Variants in AGO4 observed in about 807,000 individuals in gnomAD.
AGO4 encodes the protein argonaute RISC component 4.
A neutral mutation model predicts 104.7 loss-of-function variants in AGO4; 33 were observed. The ratio of observed to expected loss-of-function variants is 0.32; its 90% CI spans 0.24 to 0.42. AGO4 has a LOEUF of 0.42. Ranked by LOEUF, AGO4 falls within the 10% of genes least tolerant of loss-of-function variation. AGO4 has a pLI of 1.00. For synonymous variants in AGO4, 331 were observed against 364.7 expected (o/e 0.91, Z 1.05); for missense variants, 711 against 1,083.4 (o/e 0.66, Z 4.83).
chr1:35,813,367 C>T (rs900732913), intron 1 of AGO4, among the ~76,000 whole-genome samples: 4 of 151,644 alleles, frequency 2.6e-5, no homozygotes, highest in Non-Finnish European at 5.9e-5. Context: ...CAAGATTGTG[C>T]CACTGCACTC....
At chr1:35,810,255 A>C (rs907556849) in intron 1 of AGO4, among the ~76,000 whole-genome samples, 2 of 152,236 alleles carry the variant, frequency 1.3e-5, no homozygotes, top group Admixed American at 6.5e-5. Context: ...CCAACTAATA[A>C]GTAGCTGCCT....
At chr1:35,833,920 C>A in intron 11 of AGO4, 70 bp from the exon 12 acceptor site, 1 of 1,248,380 alleles carries the variant, frequency 8.0e-7, no homozygotes, top group Non-Finnish European at 1.0e-6. Context: ...GGAAGTATTT[C>A]AGAGGAAAAT....
intron 3 of AGO4, among the ~76,000 whole-genome samples, chr1:35,823,752 A>AT (rs1003103772): frequency 0.011 from 1,691 of 147,174 alleles, 39 homozygotes; most frequent in African/African-American, 0.041. Flanking sequence ...TATTATTATT[A>AT]TTTTTTTTTT....
At chr1:35,842,052 C>G (rs1384160089) in intron 15 of AGO4, among the ~76,000 whole-genome samples, 1 of 151,742 alleles carries the variant, frequency 6.6e-6, no homozygotes, top group South Asian at 2.1e-4. Flanking sequence ...ATATAGGCAA[C>G]CTTCTAAGGG....
rs1042251377 is a variant in AGO4, at chr1:35,841,837, TAC to T, written c.2175+90_2175+91del. ...ATATATATATATATATATATATATA[TAC>T]ACCATTTTTATACAATTTTTTTCTT... On this transcript the variant is annotated intron_variant, in intron 15 of 17. Coordinates refer to ENST00000373210, the MANE Select transcript of AGO4 (RefSeq NM_017629.4). This position sits in a 1 kb window ranked among gnomAD's most constrained non-coding sequence, Gnocchi z 4.7. 28 of 699,916 alleles carry T rather than the reference TAC, an allele frequency of 4.0e-5. No homozygotes were observed. The highest frequency in any genetic ancestry group is 5.5e-4 in the Middle Eastern group (1 of 1,818). 43.4% of individuals were successfully genotyped at this position (699,916 alleles called of 1,614,324 possible). A position where few individuals can be genotyped will look rare whatever the true frequency, so the allele number is the denominator to read the frequency against.
Position 35,841,364 on chromosome 1 carries a change from C to A in AGO4, c.1924C>A (p.Gln642Lys), listed in dbSNP as rs1644437961. Reference sequence around the variant, plus strand: ...GCTCCTCTACAGTCAAGAGGTCATCCAGGACCTGACTAACATGGTTCGAGA... The same window carrying A: ...GCTCCTCTACAGTCAAGAGGTCATCAAGGACCTGACTAACATGGTTCGAGA... ...QELLYSQEVI[Q>K]DLTNMVRELL... Residue 642 changes from glutamine (Q) to lysine (K), a missense_variant, in exon 14 of 18, where the codon CAG becomes AAG. This residue lies in a region of AGO4 where 401 missense variants were observed against 665.5 expected (regional missense o/e 0.60). Coordinates refer to ENST00000373210, the MANE Select transcript of AGO4 (RefSeq NM_017629.4). The surrounding 1 kb of genome is among the most constrained non-coding windows in gnomAD (Gnocchi z 4.7). 1 of 1,614,088 alleles carries A rather than the reference C, an allele frequency of 6.2e-7. No individual in the cohort carries two copies. Among genetic ancestry groups the A allele is most frequent in the Non-Finnish European group, 8.5e-7 (1 of 1,180,036 alleles).
intron 1 of AGO4, among the ~76,000 whole-genome samples, 183 bp from the exon 2 acceptor site, chr1:35,816,699 T>C (rs1393451261): frequency 6.7e-6 from 1 of 149,990 alleles, no homozygotes; most frequent in African/African-American, 2.5e-5. Context: ...CTGGAGAGGC[T>C]GAGGCAGGAG....
At position 35,847,835 on chromosome 1, in the gene AGO4, T is replaced by C. The variant is rs192714795; in HGVS notation, c.2176-2322T>C. Among the ~76,000 whole-genome samples, 16 of 152,256 alleles carry C rather than the reference T, an allele frequency of 1.1e-4. No individual in the cohort carries two copies. In the East Asian group the frequency reaches 2.7e-3, roughly 26 times the overall value. On this transcript the variant is annotated intron_variant, in intron 15 of 17. Transcript: ENST00000373210. The stretch of plus-strand genomic sequence containing the variant: ...AACAATTTTCTGTATTTGTGTCAGG[T>C]CTTTAAAATTTATATTTTTATTTAT...
Position 35,809,790 on chromosome 1 carries a change from A to G in AGO4, c.19+1355A>G, listed in dbSNP as rs533668931. On this transcript the variant is annotated intron_variant, in intron 1 of 17. Transcript: ENST00000373210. ...TCTCGTCTATAAATTGAGGGTAATA[A>G]TAAGTATGTTCTGTAAGATTGTTGA... is the stretch of plus-strand genomic sequence containing the variant. Among the ~76,000 whole-genome samples, 35 of 152,332 alleles carry G rather than the reference A, an allele frequency of 2.3e-4. 1 individual carries two copies. In the East Asian group the frequency reaches 6.7e-3, roughly 29 times the overall value.
intron 11 of AGO4, 24 bp downstream of exon 11, chr1:35,832,594 T>G (rs1231203602): frequency 1.2e-6 from 2 of 1,611,194 alleles, no homozygotes; most frequent in Non-Finnish European, 1.7e-6. Flanking sequence ...TATTTTCAGC[T>G]TAGTAATATC....
Position 35,834,084 on chromosome 1 carries a change from A to G in AGO4, c.1474A>G (p.Ser492Gly). The G allele has an allele frequency of 6.2e-7, 1 of 1,612,442 alleles. No homozygotes were observed. The change falls in exon 12 of 18, where the codon AGT becomes GGT. Residue 492 changes from serine to glycine, a missense_variant. Ser to Gly is a moderately conservative substitution (Grantham distance 56). This residue lies in a region of AGO4 where 401 missense variants were observed against 665.5 expected (regional missense o/e 0.60). Coordinates refer to ENST00000373210, the MANE Select transcript of AGO4 (RefSeq NM_017629.4). ...CFCKYAQGAD[S>G]VEPMFKHLKM... ...CTGCAAGTATGCACAAGGTGCAGAC[A>G]GTGTGGAGCCTATGTTTAAACATCT...
At chr1:35,849,331 T>C (rs1054564863) in intron 15 of AGO4, among the ~76,000 whole-genome samples, 5 of 152,104 alleles carry the variant, frequency 3.3e-5, no homozygotes, top group African/African-American at 1.2e-4. Context: ...TTAGTTCCCA[T>C]TTCAGTGCTT....
chr1:35,815,502 A>G (rs1447982392), intron 1 of AGO4, among the ~76,000 whole-genome samples: 1 of 152,194 alleles, frequency 6.6e-6, no homozygotes, highest in Admixed American at 6.5e-5. Context: ...TAGCTAAATG[A>G]TGAGGTAAAG....
chr1:35,852,250 A>G (rs1180261590), intron 17 of AGO4, among the ~76,000 whole-genome samples: 1 of 152,238 alleles, frequency 6.6e-6, no homozygotes, highest in Non-Finnish European at 1.5e-5. Context: ...TTAACAGTTA[A>G]TTGGATATGC....
chr1:35,816,765 C>T, intron 1 of AGO4, 117 bp from the exon 2 acceptor site: 1 of 1,220,152 alleles, frequency 8.2e-7, no homozygotes, highest in Middle Eastern at 2.5e-4. Context: ...AGCCACTGCA[C>T]TCCACCCTGG....
At chr1:35,832,676 T>C (rs937188110) in intron 11 of AGO4, 106 bp downstream of exon 11, 4 of 1,371,948 alleles carry the variant, frequency 2.9e-6, no homozygotes, top group Non-Finnish European at 2.9e-6. Context: ...CTGACTCCCA[T>C]AGTGACACCA....
rs538155476 is a variant in AGO4, at chr1:35,842,153, C to T, written c.2175+403C>T. Among the ~76,000 whole-genome samples the T allele has an allele frequency of 4.6e-5, 7 of 152,182 alleles. No homozygotes were observed. The South Asian group carries it at 1.2e-3, about 27-fold the overall frequency. Reference sequence around the variant, plus strand: ...AATAATTTTATATCCGCATAGGACACGGGTCCCCAACCCCCAGACTGTGGA... The same window carrying T: ...AATAATTTTATATCCGCATAGGACATGGGTCCCCAACCCCCAGACTGTGGA... On this transcript the variant is annotated intron_variant, in intron 15 of 17. Transcript: ENST00000373210.
intron 13 of AGO4, among the ~76,000 whole-genome samples, chr1:35,838,522 G>A (rs938328196): frequency 1.3e-5 from 2 of 152,116 alleles, no homozygotes; most frequent in African/African-American, 4.8e-5. Flanking sequence ...ATGTTAATAG[G>A]ACTGAGTTGA....
chr1:35,823,582 C>T (rs887128815), intron 3 of AGO4, among the ~76,000 whole-genome samples: 14 of 152,142 alleles, frequency 9.2e-5, no homozygotes, highest in African/African-American at 2.4e-4. Context: ...TGTGCCACCA[C>T]GCCCAGATCA....
Sources: allele counts gnomAD v4.1 joint callset (sites outside exome capture counted in the v4.1 genomes callset), GRCh38; gene constraint gnomAD v4.1.1; regional missense constraint gnomAD v4.1.1; non-coding constraint Gnocchi (gnomAD v3.1); transcripts MANE v1.5; gene names NCBI Gene and HGNC (gene_info 2026-07-23, HGNC 2026-07-21).